The following DPYD variants were observed in gnomAD, a reference collection of about 807,000 sequenced individuals.
The protein encoded by DPYD is dihydropyrimidine dehydrogenase [NADP(+)].
In DPYD, 109 loss-of-function variants were observed where a neutral mutation model predicts 116.2. The observed-to-expected ratio is 0.94, with a 90% CI of 0.80 to 1.10. The LOEUF (loss-of-function observed/expected upper bound fraction) is 1.10, where lower values mean the gene tolerates loss of function less well. DPYD is among the 50% of genes least tolerant of loss of function. The pLI, the probability that DPYD is intolerant of heterozygous loss-of-function variation, is 0.00. For missense variants in DPYD, 1,302 were observed against 1,254.5 expected, an observed-to-expected ratio of 1.04 and a Z score of -0.57; for synonymous variants, 440 against 432.0, an observed-to-expected ratio of 1.02 and a Z score of -0.23.
At chr1:97,752,079 T>C (rs1342352166) in intron 3 of DPYD, among the ~76,000 whole-genome samples, 2 of 152,074 alleles carry the variant, frequency 1.3e-5, no homozygotes, top group African/African-American at 4.8e-5. Context: ...TTTTTTTGTG[T>C]GTGTAGTTTT....
intron 15 of DPYD, among the ~76,000 whole-genome samples, chr1:97,374,070 T>C (rs1246810053): frequency 6.6e-6 from 1 of 152,232 alleles, no homozygotes; most frequent in Admixed American, 6.5e-5. Context: ...ATAGCTTCTA[T>C]TTTTATGGAC....
chr1:97,181,842 T>C (rs1657668567), intron 20 of DPYD, among the ~76,000 whole-genome samples: 1 of 152,178 alleles, frequency 6.6e-6, no homozygotes. Flanking sequence ...CATGTATTGA[T>C]TGCTTACAAC....
At chr1:97,865,369 C>T (rs965643601) in intron 2 of DPYD, among the ~76,000 whole-genome samples, 3 of 151,834 alleles carry the variant, frequency 2.0e-5, no homozygotes, top group Non-Finnish European at 2.9e-5. Flanking sequence ...GGAAATATCT[C>T]TGGGGATATT....
At chr1:97,343,253 A>C (rs1669670395) in intron 16 of DPYD, among the ~76,000 whole-genome samples, 1 of 152,088 alleles carries the variant, frequency 6.6e-6, no homozygotes, top group Admixed American at 6.6e-5. Flanking sequence ...AAATTCCACC[A>C]TTATTCTCTT....
intron 3 of DPYD, among the ~76,000 whole-genome samples, chr1:97,754,128 TAAG>T (rs1322150430): frequency 1.3e-5 from 2 of 152,126 alleles, no homozygotes; most frequent in African/African-American, 2.4e-5. Flanking sequence ...GAAAAACAGA[TAAG>T]AATATAAATG....
chr1:97,332,844 A>G (rs998947659), intron 16 of DPYD, among the ~76,000 whole-genome samples: 7 of 152,182 alleles, frequency 4.6e-5, no homozygotes, highest in African/African-American at 1.7e-4. Flanking sequence ...ACTATTTGTG[A>G]ATGGTTGTAA....
chr1:97,639,651 TATAA>T (rs199721065), intron 8 of DPYD, among the ~76,000 whole-genome samples: 3,398 of 152,244 alleles, frequency 0.022, 171 homozygotes, highest in Admixed American at 0.11. Context: ...ACCCCAATCT[TATAA>T]ATAGTCTATG....
intron 11 of DPYD, among the ~76,000 whole-genome samples, chr1:97,556,521 A>T (rs1651733887): frequency 1.0e-5 from 1 of 99,348 alleles, no homozygotes; most frequent in African/African-American, 3.9e-5. Context: ...CCACCCCACA[A>T]CAGTCCCCAG....
chr1:97,567,891 CT>C (rs1652638789), intron 11 of DPYD, among the ~76,000 whole-genome samples: 6 of 151,242 alleles, frequency 4.0e-5, no homozygotes, highest in Non-Finnish European at 7.4e-5. Flanking sequence ...TTTTATTATA[CT>C]TTAAGTTTTA....
At chr1:97,704,473 A>G (rs1661788669) in intron 5 of DPYD, among the ~76,000 whole-genome samples, 1 of 151,926 alleles carries the variant, frequency 6.6e-6, no homozygotes, top group Admixed American at 6.6e-5. Flanking sequence ...AAAGTTTACA[A>G]AAGTTAGTTA....
chr1:97,550,262 C>G (rs959172358), intron 11 of DPYD, among the ~76,000 whole-genome samples: 2 of 151,794 alleles, frequency 1.3e-5, no homozygotes, highest in Non-Finnish European at 2.9e-5. Flanking sequence ...ATTATTTGCA[C>G]TTACTATTAA....
At chr1:97,122,714 T>C (rs1390263029) in intron 20 of DPYD, among the ~76,000 whole-genome samples, 1 of 152,166 alleles carries the variant, frequency 6.6e-6, no homozygotes, top group Non-Finnish European at 1.5e-5. Flanking sequence ...GCAAGTCTAC[T>C]GTTCTTTAAA....
intron 2 of DPYD, among the ~76,000 whole-genome samples, chr1:97,846,301 G>C (rs2101550459): frequency 6.6e-6 from 1 of 152,200 alleles, no homozygotes; most frequent in African/African-American, 2.4e-5. Flanking sequence ...TTGTTCCTAT[G>C]TTGCATTCCT....
chr1:97,212,727 A>G (rs1660118337), intron 19 of DPYD, among the ~76,000 whole-genome samples: 1 of 151,898 alleles, frequency 6.6e-6, no homozygotes, highest in Non-Finnish European at 1.5e-5. Context: ...CCTCACCGTC[A>G]TTAAGTATTA....
At chr1:97,818,704 A>T (rs1025470651) in intron 3 of DPYD, among the ~76,000 whole-genome samples, 2 of 152,040 alleles carry the variant, frequency 1.3e-5, no homozygotes, top group African/African-American at 4.8e-5. Context: ...AAAGTGAATG[A>T]ATGGAAGTAA....
intron 19 of DPYD, among the ~76,000 whole-genome samples, chr1:97,193,500 C>A (rs1028026391): frequency 2.6e-5 from 4 of 151,984 alleles, no homozygotes; most frequent in African/African-American, 9.7e-5. Context: ...TATACATGTT[C>A]CAAAACTTAT....
chr1:97,858,367 A>AT (rs1414548813), intron 2 of DPYD, among the ~76,000 whole-genome samples: 4 of 152,152 alleles, frequency 2.6e-5, no homozygotes, highest in Non-Finnish European at 5.9e-5. Context: ...CAAAATTATG[A>AT]TTTTTTGTTT....
chr1:97,670,672 T>C (rs1404096886), intron 8 of DPYD, among the ~76,000 whole-genome samples: 1 of 152,158 alleles, frequency 6.6e-6, no homozygotes, highest in Non-Finnish European at 1.5e-5. Flanking sequence ...ATACCCATAG[T>C]ATATGTTCAC....
At chr1:97,088,742 C>T (rs965021457) in intron 21 of DPYD, among the ~76,000 whole-genome samples, 1 of 152,186 alleles carries the variant, frequency 6.6e-6, no homozygotes, top group African/African-American at 2.4e-5. Flanking sequence ...ATACACCTTT[C>T]CATGCCATAA....
Sources: allele counts gnomAD v4.1 joint callset (sites outside exome capture counted in the v4.1 genomes callset), GRCh38; gene constraint gnomAD v4.1.1; transcripts MANE v1.5; gene names NCBI Gene and HGNC (gene_info 2026-07-23, HGNC 2026-07-21).